The following NEGR1 variants were observed in gnomAD, a reference collection of about 807,000 sequenced individuals.
The protein encoded by NEGR1 is neuronal growth regulator 1.
Under a neutral mutation model 40.9 loss-of-function variants are expected in NEGR1, and 10 were observed. The ratio of observed to expected loss-of-function variants is 0.24; its 90% CI spans 0.15 to 0.42. The LOEUF is 0.42. Among genes scored for constraint, NEGR1 ranks in the 10% least tolerant of loss-of-function variants. The probability of loss-of-function intolerance (pLI) is 1.00; values close to 1 mark genes in which losing one functional copy is unlikely to be tolerated. For synonymous variants in NEGR1, 185 were observed against 166.8 expected (o/e 1.11, Z -0.84); for missense variants, 352 against 438.9 (o/e 0.80, Z 1.77).
intron 2 of NEGR1, among the ~76,000 whole-genome samples, chr1:71,894,418 C>A (rs1660906148): frequency 6.6e-6 from 1 of 152,062 alleles, no homozygotes; most frequent in South Asian, 2.1e-4. Context: ...TTCATAATGA[C>A]AATATTTCCA....
At chr1:72,144,504 CAT>C (rs1276484508) in intron 1 of NEGR1, among the ~76,000 whole-genome samples, 1 of 94,356 alleles carries the variant, frequency 1.1e-5, no homozygotes, top group Non-Finnish European at 2.8e-5. Context: ...TAATTCAGGA[CAT>C]ATAATTAATA....
chr1:72,086,817 A>G (rs1648241657), intron 1 of NEGR1, among the ~76,000 whole-genome samples: 1 of 152,176 alleles, frequency 6.6e-6, no homozygotes, highest in South Asian at 2.1e-4. Flanking sequence ...TTTACTTTTT[A>G]AAGTATTTAT....
intron 4 of NEGR1, among the ~76,000 whole-genome samples, chr1:71,615,583 T>G (rs558342098): frequency 6.6e-6 from 1 of 152,300 alleles, no homozygotes; most frequent in South Asian, 2.1e-4. Context: ...ACACACTGTT[T>G]TAGAAATAGC....
At chr1:71,718,816 T>A (rs1045016010) in intron 3 of NEGR1, among the ~76,000 whole-genome samples, 1 of 152,198 alleles carries the variant, frequency 6.6e-6, no homozygotes, top group Non-Finnish European at 1.5e-5. Context: ...TTTCCCTTCA[T>A]CCTTATTCTT....
rs71074804 is a variant in NEGR1 at position 71,759,596 on chromosome 1, CTTTTTTTTTTTTTTT to C, written c.535+16561_535+16575del. Reference sequence around the variant, plus strand: ...ACAGGCGTGAGCCACTGCGTCCAGGCTTTTTTTTTTTTTTTTTTTTTTTTTTTTTTTGAGACGGAG... The same window carrying C: ...ACAGGCGTGAGCCACTGCGTCCAGGCTTTTTTTTTTTTTTTTGAGACGGAG... On this transcript the variant is annotated intron_variant, in intron 3 of 6. Transcript: ENST00000357731. 1.6e-4 allele frequency among the ~76,000 whole-genome samples: 5 copies of C among 31,962 alleles called. 1 individual carries two copies. Among genetic ancestry groups the C allele is most frequent in the East Asian group, 1.1e-3 (1 of 934 alleles). The allele number at this position is 31,962 out of a possible 152,430, so 21.0% of individuals were successfully genotyped here.
chr1:71,445,296 A>T (rs543739443), intron 6 of NEGR1, among the ~76,000 whole-genome samples: 1 of 147,914 alleles, frequency 6.8e-6, no homozygotes, highest in African/African-American at 2.5e-5. Context: ...CACAAGCTCA[A>T]TGCTTTTTTT....
chr1:72,281,408 G>T (rs914095800), intron 1 of NEGR1, among the ~76,000 whole-genome samples: 1 of 152,068 alleles, frequency 6.6e-6, no homozygotes, highest in African/African-American at 2.4e-5. Context: ...ATGTGAGGAT[G>T]TGAGAGTATG....
At chr1:71,820,539 T>C (rs1264271195) in intron 2 of NEGR1, among the ~76,000 whole-genome samples, 2 of 151,990 alleles carry the variant, frequency 1.3e-5, no homozygotes, top group African/African-American at 4.8e-5. Context: ...ATCATCATGG[T>C]CTCCTTGTTA....
At chr1:71,879,198 A>C (rs1660516791) in intron 2 of NEGR1, among the ~76,000 whole-genome samples, 1 of 152,106 alleles carries the variant, frequency 6.6e-6, no homozygotes, top group African/African-American at 2.4e-5. Context: ...CATCAAAAAA[A>C]ATTATACAAA....
At chr1:71,934,705 A>G (rs1239596933) in intron 2 of NEGR1, among the ~76,000 whole-genome samples, 3 of 152,298 alleles carry the variant, frequency 2.0e-5, no homozygotes, top group African/African-American at 7.2e-5. Context: ...TCAGTTACAA[A>G]TGTCATAATA....
chr1:71,823,403 G>T (rs1420888668), intron 2 of NEGR1, among the ~76,000 whole-genome samples: 1 of 151,732 alleles, frequency 6.6e-6, no homozygotes, highest in Non-Finnish European at 1.5e-5. Context: ...CTCATTTTGG[G>T]TAGAAGAAAC....
At chr1:71,536,025 T>A (rs749265138) in intron 6 of NEGR1, among the ~76,000 whole-genome samples, 8 of 151,582 alleles carry the variant, frequency 5.3e-5, no homozygotes, top group Non-Finnish European at 1.0e-4. Context: ...TAGAAGTGAA[T>A]GGAAAAATTT....
intron 1 of NEGR1, among the ~76,000 whole-genome samples, chr1:72,147,811 G>A (rs761525708): frequency 6.6e-6 from 1 of 152,102 alleles, no homozygotes; most frequent in Non-Finnish European, 1.5e-5. Context: ...GCCCACACAA[G>A]TCTGAAATCC....
In NEGR1 at chr1:72,124,861, A is replaced by G. The variant is rs146024072; in HGVS notation, c.176+157458T>C. Among the ~76,000 whole-genome samples, 3 of 152,248 alleles carry G rather than the reference A, an allele frequency of 2.0e-5. No individual in the cohort carries two copies. The East Asian group carries it at 5.8e-4, about 29-fold the overall frequency. On this transcript the variant is annotated intron_variant, in intron 1 of 6. Transcript: ENST00000357731. Reference sequence around the variant, plus strand: ...GTAAAATAACTTCATTTGAAATTACAAAGTCACCTATATGATTTTAAAAGA... The same window carrying G: ...GTAAAATAACTTCATTTGAAATTACGAAGTCACCTATATGATTTTAAAAGA...
At chr1:71,595,034 C>T (rs1418174434) in intron 5 of NEGR1, among the ~76,000 whole-genome samples, 2 of 152,224 alleles carry the variant, frequency 1.3e-5, no homozygotes, top group African/African-American at 2.4e-5. Context: ...GCACTATATG[C>T]TTATGTTCCT....
At position 71,812,770 on chromosome 1, in the gene NEGR1, A is replaced by C. The variant is rs533660948; in HGVS notation, c.410-36473T>G. Among the ~76,000 whole-genome samples the C allele has an allele frequency of 3.3e-5, 5 of 152,074 alleles. No individual in the cohort carries two copies. In the South Asian group the frequency reaches 1.0e-3, roughly 31 times the overall value. The stretch of plus-strand genomic sequence containing the variant: ...TGTTTTTATTGTGTTTTTTTCTTGT[A>C]AATTTGTTTAAAGTCCTTGTAGATC... On this transcript the variant is annotated intron_variant, in intron 2 of 6. Coordinates refer to ENST00000357731, the MANE Select transcript of NEGR1 (RefSeq NM_173808.3).
At position 71,531,673 on chromosome 1, in the gene NEGR1, A is replaced by T. The variant is rs145605770; in HGVS notation, c.940+61144T>A. Reference sequence around the variant, plus strand: ...GTAAAATGGGAAACTGTTATTAATCACAAAACTTAAACTTTGTGTGCATTA... The same window carrying T: ...GTAAAATGGGAAACTGTTATTAATCTCAAAACTTAAACTTTGTGTGCATTA... On this transcript the variant is annotated intron_variant, in intron 6 of 6. Coordinates refer to ENST00000357731, the MANE Select transcript of NEGR1 (RefSeq NM_173808.3). Among the ~76,000 whole-genome samples the T allele has an allele frequency of 6.6e-5, 10 of 151,510 alleles. No homozygotes were observed. The East Asian group carries it at 2.0e-3, about 30-fold the overall frequency.
intron 1 of NEGR1, chr1:72,274,558 C>G (rs941311818): frequency 9.3e-6 from 7 of 754,368 alleles, no homozygotes; most frequent in Non-Finnish European, 1.7e-5. Flanking sequence ...TCCAATTAAA[C>G]TTTACAGTGA....
chr1:71,787,382 A>G (rs1656950064), intron 2 of NEGR1, among the ~76,000 whole-genome samples: 1 of 152,176 alleles, frequency 6.6e-6, no homozygotes, highest in Non-Finnish European at 1.5e-5. Flanking sequence ...AAAAATATCT[A>G]ATGTTATGGA....
Sources: allele counts gnomAD v4.1 joint callset (sites outside exome capture counted in the v4.1 genomes callset), GRCh38; gene constraint gnomAD v4.1.1; transcripts MANE v1.5; gene names NCBI Gene and HGNC (gene_info 2026-07-23, HGNC 2026-07-21).